Variants in PIK3C2A observed in about 807,000 individuals in gnomAD.
PIK3C2A encodes phosphatidylinositol 4-phosphate 3-kinase C2 domain-containing subunit alpha.
In PIK3C2A, 97 loss-of-function variants were observed where a neutral mutation model predicts 204.5. The ratio of observed to expected loss-of-function variants is 0.47; its 90% CI spans 0.40 to 0.56. The LOEUF is 0.56. Ranked by LOEUF, PIK3C2A falls within the 20% of genes least tolerant of loss-of-function variation. PIK3C2A has a pLI of 0.00. For missense variants in PIK3C2A, 1,735 were observed against 1,969.2 expected, an observed-to-expected ratio of 0.88 and a Z score of 2.25; for synonymous variants, 653 against 664.4, an observed-to-expected ratio of 0.98 and a Z score of 0.26.
chr11:17,122,076 C>CGA, intron 15 of PIK3C2A, 112 bp downstream of exon 15: 1 of 588,852 alleles, frequency 1.7e-6, no homozygotes, highest in Non-Finnish European at 2.9e-6. Context: ...AAACTTTCCA[C>CGA]ACCAAGAAAG....
chr11:17,195,757 G>A (rs539349185), intron 1 of PIK3C2A, among the ~76,000 whole-genome samples: 166 of 138,014 alleles, frequency 1.2e-3, no homozygotes, highest in African/African-American at 4.2e-3. Context: ...AAAAAAAAAG[G>A]AGCCCCGCGC....
chr11:17,134,131 A>G (rs1474903633), intron 11 of PIK3C2A, among the ~76,000 whole-genome samples: 1 of 152,166 alleles, frequency 6.6e-6, no homozygotes, highest in Non-Finnish European at 1.5e-5. Flanking sequence ...TCTGCTGGTT[A>G]GTCATTTAAA....
chr11:17,142,974 T>A (rs901054751), intron 8 of PIK3C2A, among the ~76,000 whole-genome samples: 4 of 151,146 alleles, frequency 2.6e-5, no homozygotes, highest in African/African-American at 9.7e-5. Context: ...TTTTTTTTTT[T>A]AAGATGGGCA....
rs1437049622 is a variant in PIK3C2A, at chr11:17,169,146, G to A, written c.596C>T (p.Pro199Leu). 1.2e-6 allele frequency: 2 copies of A among 1,613,948 alleles called. No individual in the cohort carries two copies. The highest frequency in any genetic ancestry group is 1.3e-5 in the African/African-American group (1 of 74,924). The change falls in exon 2 of 33, where the codon CCT (proline) becomes CTT (leucine). Residue 199 changes from proline (P) to leucine (L), a missense_variant. By Grantham distance (98) the Pro-to-Leu change is moderately conservative. Around this residue, in one of 6 missense-constraint regions of PIK3C2A, gnomAD observed 536 missense variants for 546.7 expected, o/e 0.98. Coordinates refer to ENST00000691414, the MANE Select transcript of PIK3C2A (RefSeq NM_002645.4). ...ATGAAAGGGTGTGGCAGGTGTCAAA[G>A]GATATGAGAAATATGGAGATTGTCC... ...LPGQSPYFSY[P>L]LTPATPFHPQ...
intron 2 of PIK3C2A, among the ~76,000 whole-genome samples, chr11:17,167,735 TAGTAGGTA>T (rs1310877510): frequency 1.3e-5 from 2 of 152,134 alleles, no homozygotes; most frequent in Non-Finnish European, 2.9e-5. Context: ...AATGATAAAA[TAGTAGGTA>T]AGTGCTGATC....
At chr11:17,105,951 A>G (rs925361188) in intron 22 of PIK3C2A, among the ~76,000 whole-genome samples, 4 of 151,738 alleles carry the variant, frequency 2.6e-5, no homozygotes, top group African/African-American at 4.8e-5. Flanking sequence ...TCTACTAAAA[A>G]TACAAAAATT....
chr11:17,204,804 C>A (rs1374671721), intron 1 of PIK3C2A, among the ~76,000 whole-genome samples: 1 of 152,180 alleles, frequency 6.6e-6, no homozygotes, highest in Non-Finnish European at 1.5e-5. Flanking sequence ...AATGAAATCA[C>A]CTACAATGTG....
chr11:17,191,527 T>C (rs1317943295), intron 1 of PIK3C2A, among the ~76,000 whole-genome samples: 1 of 152,202 alleles, frequency 6.6e-6, no homozygotes, highest in Non-Finnish European at 1.5e-5. Flanking sequence ...GGGGAGCGAA[T>C]ACCAGATGCT....
chr11:17,174,383 C>T lies in PIK3C2A; in HGVS notation c.-65-4577G>A, dbSNP rs1256292221. ...CGGGCGGATCACGAGGTCAGGAGAT[C>T]GAGACCATCCTGGCTAAAACGGTGA... On this transcript the variant is annotated intron_variant, in intron 1 of 32. Transcript: ENST00000691414. Among the ~76,000 whole-genome samples, 3 of 77,918 alleles carry T rather than the reference C, an allele frequency of 3.9e-5. 1 individual carries two copies. Among genetic ancestry groups the T allele is most frequent in the Non-Finnish European group, 7.3e-5 (3 of 40,990 alleles). 51.1% of individuals were successfully genotyped at this position (77,918 alleles called of 152,430 possible).
Position 17,119,277 on chromosome 11 carries a change from G to A in PIK3C2A, c.2883C>T (p.Thr961=), listed in dbSNP as rs778467852. The A allele has an allele frequency of 2.5e-6, 4 of 1,607,416 alleles. No individual in the cohort carries two copies. Among genetic ancestry groups the A allele is most frequent in the Non-Finnish European group, 3.4e-6 (4 of 1,174,954 alleles). ...CATCATCACTAATGGCCTCAATCCA[G>A]GTCACAGCTAGGGATCTTACTTCCT... The part of the protein sequence containing the change: ...ADQEVRSLAV[T]WIEAISDDEL... The change falls in exon 17 of 33, where the codon ACC becomes ACT. Residue 961 remains threonine (T), a synonymous_variant. Transcript: ENST00000691414.
intron 1 of PIK3C2A, among the ~76,000 whole-genome samples, chr11:17,175,347 T>C (rs1011913719): frequency 1.3e-5 from 2 of 152,180 alleles, no homozygotes; most frequent in African/African-American, 4.8e-5. Context: ...ATATTTAAGT[T>C]TTCCAAGAGG....
At chr11:17,128,273 CTTT>C (rs754387936) in intron 13 of PIK3C2A, among the ~76,000 whole-genome samples, 1 of 85,920 alleles carries the variant, frequency 1.2e-5, no homozygotes, top group Non-Finnish European at 2.4e-5. Context: ...TTTAGAGATG[CTTT>C]TTTTTTTTTT....
Position 17,122,804 on chromosome 11 carries a change from T to C in PIK3C2A, c.2409A>G (p.Thr803=). Residue 803 remains threonine (T), a synonymous_variant, in exon 14 of 33, where the codon ACA becomes ACG. Coordinates refer to ENST00000691414, the MANE Select transcript of PIK3C2A (RefSeq NM_002645.4). ...AAAGATATAGAAGTTTAGTTCCACA[T>C]GTTAAAAACCTTCACGGATGTAAAA... ...LPLFDFKRFL[T]CGTKLLYLWT... The C allele has an allele frequency of 7.2e-7, 1 of 1,390,962 alleles. No homozygotes were observed. The highest frequency in any genetic ancestry group is 2.3e-5 in the East Asian group (1 of 43,374). The allele number at this position is 1,390,962 out of a possible 1,614,324, so 86.2% of individuals were successfully genotyped here.
At chr11:17,091,931 T>C (rs557199624) in intron 30 of PIK3C2A, 65 bp downstream of exon 30, 2 of 991,818 alleles carry the variant, frequency 2.0e-6, no homozygotes, top group East Asian at 4.7e-5. Context: ...TTCTACCACA[T>C]TCATCGAGAA....
Position 17,188,796 on chromosome 11 carries a change from A to C in PIK3C2A, c.-65-18990T>G, listed in dbSNP as rs1467653714. 4.8e-5 allele frequency among the ~76,000 whole-genome samples: 7 copies of C among 147,112 alleles called. No individual in the cohort carries two copies. The East Asian group carries it at 1.2e-3, about 24-fold the overall frequency. On this transcript the variant is annotated intron_variant, in intron 1 of 32. Transcript: ENST00000691414. ...GTACAAGGCAGTTATCTTCCAAAGG[A>C]GGATTGGCAAGTGGCAGACAGAAAT...
intron 1 of PIK3C2A, among the ~76,000 whole-genome samples, chr11:17,199,903 C>CAAAAAAAAA (rs35435978): frequency 2.8e-5 from 3 of 106,862 alleles, no homozygotes; most frequent in Non-Finnish European, 3.9e-5. Context: ...GCCTCCATCT[C>CAAAAAAAAA]AAAAAAAAAA....
At chr11:17,187,644 AG>A (rs1191147114) in intron 1 of PIK3C2A, among the ~76,000 whole-genome samples, 1 of 152,166 alleles carries the variant, frequency 6.6e-6, no homozygotes, top group Non-Finnish European at 1.5e-5. Context: ...ATAAGTAACA[AG>A]GGTATATTAT....
intron 1 of PIK3C2A, among the ~76,000 whole-genome samples, chr11:17,206,588 TAAAA>T (rs567568074): frequency 1.5e-5 from 2 of 136,752 alleles, no homozygotes; most frequent in Middle Eastern, 3.4e-3. Context: ...CCATGTCAAT[TAAAA>T]AAAAAAAAAA....
chr11:17,131,954 A>C lies in PIK3C2A; in HGVS notation c.2193T>G (p.Thr731=). 3 of 1,597,306 alleles carry C rather than the reference A, an allele frequency of 1.9e-6. No homozygotes were observed. The highest frequency in any genetic ancestry group is 2.6e-6 in the Non-Finnish European group (3 of 1,169,626). The part of the protein sequence containing the change: ...FKPIQSKKVG[T]YKNFFYLIKW... ...TAATAAGATAGAAGAAATTCTTGTA[A>C]GTGCCAACCTTCTTTGATTGAATAG... Residue 731 remains threonine (T), a synonymous_variant, in exon 12 of 33, where the codon ACT becomes ACG. Coordinates refer to ENST00000691414, the MANE Select transcript of PIK3C2A (RefSeq NM_002645.4).
Sources: allele counts gnomAD v4.1 joint callset (sites outside exome capture counted in the v4.1 genomes callset), GRCh38; gene constraint gnomAD v4.1.1; regional missense constraint gnomAD v4.1.1; transcripts MANE v1.5; gene names NCBI Gene and HGNC (gene_info 2026-07-23, HGNC 2026-07-21).